The following MTHFD2L variants were observed in gnomAD, a reference collection of about 807,000 sequenced individuals.
MTHFD2L encodes methylenetetrahydrofolate dehydrogenase (NADP+ dependent) 2 like.
In MTHFD2L, 29 loss-of-function variants were observed where a neutral mutation model predicts 34.9. The observed-to-expected ratio is 0.83, with a 90% CI of 0.62 to 1.13. The LOEUF is 1.13. MTHFD2L is among the 50% of genes most tolerant of loss of function. MTHFD2L has a pLI of 0.00. For missense variants in MTHFD2L, 481 were observed against 446.5 expected, an observed-to-expected ratio of 1.08 and a Z score of -0.70; for synonymous variants, 167 against 155.7, an observed-to-expected ratio of 1.07 and a Z score of -0.54.
chr4:74,150,193 A>T (rs932848605), intron 1 of MTHFD2L, among the ~76,000 whole-genome samples: 1 of 152,218 alleles, frequency 6.6e-6, no homozygotes, highest in African/African-American at 2.4e-5. Context: ...AATTGACTAT[A>T]GCCCTGTGAG....
At chr4:74,264,028 A>G (rs971338968) in intron 6 of MTHFD2L, among the ~76,000 whole-genome samples, 4 of 152,130 alleles carry the variant, frequency 2.6e-5, no homozygotes, top group Non-Finnish European at 5.9e-5. Context: ...AAAAAAAATT[A>G]TCAGCAAACT....
At chr4:74,238,498 G>A (rs145637564) in intron 6 of MTHFD2L, among the ~76,000 whole-genome samples, 3,840 of 152,194 alleles carry the variant, frequency 0.025, 73 homozygotes, top group Middle Eastern at 0.037. Context: ...AGACAAATGG[G>A]ATCTAATTAA....
At chr4:74,253,532 C>T (rs1023802611) in intron 6 of MTHFD2L, among the ~76,000 whole-genome samples, 2 of 152,182 alleles carry the variant, frequency 1.3e-5, no homozygotes, top group African/African-American at 4.8e-5. Context: ...GCCTCCTGCT[C>T]TATGGAAGAG....
chr4:74,181,420 A>G (rs776032863), intron 3 of MTHFD2L, among the ~76,000 whole-genome samples: 13 of 152,172 alleles, frequency 8.5e-5, no homozygotes, highest in African/African-American at 1.2e-4. Context: ...TGCTATTTCT[A>G]TCTGAGGTTT....
chr4:74,199,092 T>A (rs1733969029), intron 3 of MTHFD2L, among the ~76,000 whole-genome samples: 1 of 152,166 alleles, frequency 6.6e-6, no homozygotes, highest in African/African-American at 2.4e-5. Flanking sequence ...TTTAAACTAC[T>A]CTGCATAGAG....
chr4:74,158,419 C>T, intron 1 of MTHFD2L, 138 bp downstream of exon 1: 3 of 622,686 alleles, frequency 4.8e-6, no homozygotes, highest in Non-Finnish European at 4.1e-6. Context: ...ACAGCCTTGT[C>T]TGTGAGGTGG....
chr4:74,282,363 A>G (rs1747611765), intron 7 of MTHFD2L, among the ~76,000 whole-genome samples: 1 of 152,140 alleles, frequency 6.6e-6, no homozygotes, highest in African/African-American at 2.4e-5. Flanking sequence ...ATTCTGGCCA[A>G]AAAATACAGT....
intron 6 of MTHFD2L, among the ~76,000 whole-genome samples, chr4:74,257,178 C>A (rs942313644): frequency 6.6e-6 from 1 of 152,062 alleles, no homozygotes; most frequent in African/African-American, 2.4e-5. Context: ...TCTTTCACCT[C>A]TTGTTTATAT....
At chr4:74,218,612 A>G (rs1184152072) in intron 5 of MTHFD2L, among the ~76,000 whole-genome samples, 1 of 141,128 alleles carries the variant, frequency 7.1e-6, no homozygotes, top group Non-Finnish European at 1.5e-5. Context: ...AGGTAATTTC[A>G]AGCCCCCCCC....
At chr4:74,250,352 A>T (rs1376636557) in intron 6 of MTHFD2L, among the ~76,000 whole-genome samples, 2 of 152,156 alleles carry the variant, frequency 1.3e-5, no homozygotes, top group Admixed American at 6.6e-5. Flanking sequence ...AGGCCTATTT[A>T]AAAATAGCAG....
rs368690954 is a variant in MTHFD2L, at chr4:74,134,931, A to T, written c.-297+9414A>T. On this transcript the variant is annotated intron_variant, in intron 1 of 7. Coordinates refer to the MTHFD2L transcript ENST00000433372. The stretch of plus-strand genomic sequence containing the variant: ...ATAAACAGAGGAGAGAAAAGAAAAA[A>T]AGAATGAAAATGAGAGAAGGCCACT... Among the ~76,000 whole-genome samples, 7 of 152,154 alleles carry T rather than the reference A, an allele frequency of 4.6e-5. No homozygotes were observed. In the South Asian group the frequency reaches 1.0e-3, roughly 23 times the overall value.
In MTHFD2L at chr4:74,163,499, CGAA is replaced by C. The variant is rs931357434; in HGVS notation, c.143+5224_143+5226del. On this transcript the variant is annotated intron_variant, in intron 1 of 7. Transcript: ENST00000325278. ...AGTTAACTAGTTAAAAAACTGGATA[CGAA>C]GAAGAGTCATATATAATGAAAAGGT... is the stretch of plus-strand genomic sequence containing the variant. Among the ~76,000 whole-genome samples, 174 of 152,152 alleles carry C rather than the reference CGAA, an allele frequency of 1.1e-3. 2 individuals are homozygous for C. The highest frequency in any genetic ancestry group is 4.0e-3 in the African/African-American group (166 of 41,500).
At chr4:74,240,499 T>C (rs1174624692) in intron 6 of MTHFD2L, among the ~76,000 whole-genome samples, 1 of 152,152 alleles carries the variant, frequency 6.6e-6, no homozygotes, top group African/African-American at 2.4e-5. Flanking sequence ...TGTATATCTA[T>C]AGGAATTCTA....
intron 5 of MTHFD2L, among the ~76,000 whole-genome samples, chr4:74,205,831 A>T (rs1735198894): frequency 6.6e-6 from 1 of 151,684 alleles, no homozygotes; most frequent in Non-Finnish European, 1.5e-5. Flanking sequence ...GGTGGTGGTG[A>T]TGGGGGAACA....
intron 6 of MTHFD2L, among the ~76,000 whole-genome samples, chr4:74,264,970 A>G (rs1745110520): frequency 6.6e-6 from 1 of 152,212 alleles, no homozygotes; most frequent in Admixed American, 6.5e-5. Flanking sequence ...TTGGAAAACA[A>G]ATTCACTGTA....
At chr4:74,167,254 T>A (rs1374735538) in intron 1 of MTHFD2L, among the ~76,000 whole-genome samples, 4 of 152,228 alleles carry the variant, frequency 2.6e-5, no homozygotes, top group Non-Finnish European at 5.9e-5. Context: ...CCATGCCGGA[T>A]GGCCCATCAA....
chr4:74,245,181 T>A (rs1409671000), intron 6 of MTHFD2L, among the ~76,000 whole-genome samples: 2 of 106,796 alleles, frequency 1.9e-5, no homozygotes, highest in South Asian at 3.2e-4. Context: ...GGCAACAGAG[T>A]GAGACTCAGT....
At chr4:74,262,506 A>G (rs575211482) in intron 6 of MTHFD2L, among the ~76,000 whole-genome samples, 1 of 152,130 alleles carries the variant, frequency 6.6e-6, no homozygotes, top group East Asian at 1.9e-4. Flanking sequence ...ACAAAGAATT[A>G]GTATGCAGCA....
intron 6 of MTHFD2L, among the ~76,000 whole-genome samples, chr4:74,260,303 G>A (rs903520495): frequency 5.3e-5 from 8 of 152,078 alleles, no homozygotes; most frequent in East Asian, 3.9e-4. Flanking sequence ...GTCAGCCCCC[G>A]GCTGTGAATC....
Sources: gnomAD v4.1 joint callset for allele counts (sites outside exome capture counted in the v4.1 genomes callset) on GRCh38, gnomAD v4.1.1 for gene constraint, MANE v1.5 for transcripts, NCBI Gene and HGNC (gene_info 2026-07-23, HGNC 2026-07-21) for gene names.